Variants in TBC1D30 observed in about 807,000 individuals in gnomAD.
The protein encoded by TBC1D30 is TBC1 domain family, member 30.
TBC1D30 carries 31 observed loss-of-function variants against 63.2 expected under a neutral mutation model. The observed-to-expected ratio is 0.49, with a 90% CI of 0.37 to 0.66. The LOEUF (loss-of-function observed/expected upper bound fraction) is 0.66, where lower values mean the gene tolerates loss of function less well. Among genes scored for constraint, TBC1D30 ranks in the 30% least tolerant of loss-of-function variants. TBC1D30 has a pLI of 0.00. For missense variants in TBC1D30, 810 were observed against 953.6 expected, an observed-to-expected ratio of 0.85 and a Z score of 1.98; for synonymous variants, 307 against 361.5, an observed-to-expected ratio of 0.85 and a Z score of 1.71.
At chr12:64,761,600 T>C (rs963101835) in intron 1 of TBC1D30, among the ~76,000 whole-genome samples, 37 of 152,212 alleles carry the variant, frequency 2.4e-4, no homozygotes, top group Admixed American at 2.1e-3. Flanking sequence ...CACTGCTAAA[T>C]TCCCACCCAG....
rs1183912846 is a variant in TBC1D30, at chr12:64,875,294, G to T, written c.1792G>T (p.Ala598Ser). Residue 598 changes from alanine (A) to serine (S), a missense_variant, in exon 12 of 12, where the codon GCC (alanine) becomes TCC (serine). Physicochemically the swap from Ala to Ser is moderately conservative, Grantham distance 99 (BLOSUM62 1). Coordinates refer to ENST00000539867, the MANE Select transcript of TBC1D30 (RefSeq NM_015279.2). ...AGGGCTGATAGATGAGCAGAACGAG[G>T]CCAGCAAGACCAATGGGCTGGGGGC... The part of the protein sequence containing the change: ...TVGLIDEQNE[A>S]SKTNGLGAAE... The T allele has an allele frequency of 3.3e-6, 5 of 1,536,300 alleles. No homozygotes were observed. The East Asian group carries it at 7.3e-5, about 23-fold the overall frequency.
upstream of TBC1D30, among the ~76,000 whole-genome samples, chr12:64,822,937 T>C (rs1381064688): frequency 6.6e-6 from 1 of 152,044 alleles, no homozygotes; most frequent in Admixed American, 6.6e-5. Context: ...TTCCTTTGAG[T>C]GGGGAATGGT....
intron 2 of TBC1D30, among the ~76,000 whole-genome samples, chr12:64,796,179 G>A (rs1313242444): frequency 7.6e-6 from 1 of 132,418 alleles, no homozygotes; most frequent in African/African-American, 2.9e-5. Context: ...TAATTTACTT[G>A]TGTTTCTTAT....
intron 10 of TBC1D30, among the ~76,000 whole-genome samples, chr12:64,867,650 T>C (rs1246093629): frequency 6.6e-6 from 1 of 152,172 alleles, no homozygotes. Flanking sequence ...TGGCATATAG[T>C]AGATGCTTAA....
chr12:64,870,575 T>C, intron 10 of TBC1D30, 27 bp from the exon 11 acceptor site: 1 of 1,528,998 alleles, frequency 6.5e-7, no homozygotes, highest in South Asian at 1.2e-5. Context: ...ACCGACCATC[T>C]CCTTATGTCT....
intron 3 of TBC1D30, among the ~76,000 whole-genome samples, chr12:64,829,368 T>G (rs1042406311): frequency 1.2e-4 from 19 of 152,166 alleles, no homozygotes; most frequent in African/African-American, 3.9e-4. Context: ...AAGGCTGAGC[T>G]TACATGAATT....
exon 1 of TBC1D30, chr12:64,780,967 G>C: frequency 9.5e-7 from 1 of 1,054,858 alleles, no homozygotes; most frequent in South Asian, 2.4e-5. Flanking sequence ...AGCGGCCGCG[G>C]CGCTCCCGGG....
intron 1 of TBC1D30, among the ~76,000 whole-genome samples, chr12:64,782,843 T>C (rs1207595350): frequency 2.0e-5 from 3 of 152,276 alleles, no homozygotes; most frequent in Admixed American, 2.0e-4. Context: ...TCAACCCTAT[T>C]AAGATGAACA....
At chr12:64,840,639 G>A (rs543548983) in intron 7 of TBC1D30, among the ~76,000 whole-genome samples, 1 of 152,292 alleles carries the variant, frequency 6.6e-6, no homozygotes, top group South Asian at 2.1e-4. Flanking sequence ...TTATAGATGT[G>A]AGAATTGAGG....
chr12:64,813,428 A>G (rs1565653161), intron 2 of TBC1D30, among the ~76,000 whole-genome samples: 2 of 152,152 alleles, frequency 1.3e-5, no homozygotes, highest in South Asian at 2.1e-4. Flanking sequence ...GAAAACCCCT[A>G]TGAAATAGGC....
intron 10 of TBC1D30, among the ~76,000 whole-genome samples, chr12:64,867,317 A>T (rs1279137249): frequency 1.3e-5 from 2 of 151,858 alleles, no homozygotes; most frequent in Non-Finnish European, 2.9e-5. Flanking sequence ...TACAAAAATT[A>T]GCTGTGGTGG....
At chr12:64,797,405 C>T (rs750392507) in intron 2 of TBC1D30, among the ~76,000 whole-genome samples, 2 of 152,222 alleles carry the variant, frequency 1.3e-5, no homozygotes, top group Non-Finnish European at 2.9e-5. Flanking sequence ...AGCATAATGA[C>T]TCACTTGTGT....
rs1332521666 is a variant in TBC1D30 at position 64,860,137 on chromosome 12, C to T, written c.1039-4531C>T. On this transcript the variant is annotated intron_variant, in intron 8 of 11. Transcript: ENST00000539867. ...GGCTCAAGCGATTCTCCCACCTCAG[C>T]CCCCCAAGTAACTGAGTCTACAGGC... Among the ~76,000 whole-genome samples, 13 of 152,068 alleles carry T rather than the reference C, an allele frequency of 8.5e-5. No homozygotes were observed. In the East Asian group the frequency reaches 1.9e-3, roughly 23 times the overall value.
chr12:64,833,934 A>C (rs1875098675), intron 5 of TBC1D30, among the ~76,000 whole-genome samples: 1 of 152,174 alleles, frequency 6.6e-6, no homozygotes, highest in Admixed American at 6.5e-5. Context: ...AATTGGAATA[A>C]GTGAATCAAG....
intron 8 of TBC1D30, among the ~76,000 whole-genome samples, chr12:64,857,604 C>A (rs1384343444): frequency 6.6e-6 from 1 of 152,194 alleles, no homozygotes; most frequent in Non-Finnish European, 1.5e-5. Context: ...GCTTGTGTCT[C>A]CCTAGGTCAT....
At chr12:64,796,292 C>G (rs945344890) in intron 2 of TBC1D30, among the ~76,000 whole-genome samples, 1 of 148,968 alleles carries the variant, frequency 6.7e-6, no homozygotes, top group African/African-American at 2.6e-5. Context: ...TTACCCACAA[C>G]CTTTGGTTGA....
At chr12:64,791,862 G>A (rs186314873) in intron 2 of TBC1D30, among the ~76,000 whole-genome samples, 1 of 152,216 alleles carries the variant, frequency 6.6e-6, no homozygotes, top group Admixed American at 6.5e-5. Context: ...GGGATTATAA[G>A]GCGTAAGCTA....
rs1874138662 is a variant in TBC1D30, at chr12:64,824,706, C to T, written c.-174C>T. 3 of 855,610 alleles carry T rather than the reference C, an allele frequency of 3.5e-6. No individual in the cohort carries two copies. The highest frequency in any genetic ancestry group is 2.1e-5 in the South Asian group (1 of 47,594). 53.0% of individuals were successfully genotyped at this position (855,610 alleles called of 1,614,324 possible). A position where few individuals can be genotyped will look rare whatever the true frequency, so the allele number is the denominator to read the frequency against. Reference sequence around the variant, plus strand: ...GCTTCCCTGCGCTCGGCGGCTCCCGCGGTGCCCCGTAAGTCCCCGTGACCC... The same window carrying T: ...GCTTCCCTGCGCTCGGCGGCTCCCGTGGTGCCCCGTAAGTCCCCGTGACCC... On this transcript the variant is annotated 5_prime_UTR_variant, in exon 1 of 12. Transcript: ENST00000539867.
At chr12:64,827,693 G>T in intron 1 of TBC1D30, 142 bp from the exon 2 acceptor site, 6 of 600,142 alleles carry the variant, frequency 1.0e-5, no homozygotes, top group Admixed American at 3.3e-5. Flanking sequence ...TTACCTTTTG[G>T]CAAAATTGAC....
Sources: gnomAD v4.1 joint callset for allele counts (sites outside exome capture counted in the v4.1 genomes callset) on GRCh38, gnomAD v4.1.1 for gene constraint, MANE v1.5 for transcripts, NCBI Gene and HGNC (gene_info 2026-07-23, HGNC 2026-07-21) for gene names.